MXD4: variants seen among roughly 807,000 people sequenced by gnomAD.
The protein encoded by MXD4 is MAX dimerization protein 4, also known as Mad4 homolog.
MXD4 carries 16 observed loss-of-function variants against 24.5 expected under a neutral mutation model. The observed-to-expected ratio is 0.65, with a 90% confidence interval of 0.44 to 0.99. The LOEUF is 0.99. Among genes scored for constraint, MXD4 ranks in the 50% least tolerant of loss-of-function variants. The pLI is 0.00. For missense variants in MXD4, 301 were observed against 301.5 expected, an observed-to-expected ratio of 1.00 and a Z score of 0.01; for synonymous variants, 164 against 134.2, an observed-to-expected ratio of 1.22 and a Z score of -1.54.
intron 3 of MXD4, chr4:2,255,128 G>A: frequency 2.7e-6 from 1 of 373,596 alleles, no homozygotes; most frequent in Non-Finnish European, 5.4e-6. Context: ...GGAGGAGTGT[G>A]CCCTGACGCA....
intron 3 of MXD4, chr4:2,253,333 G>A (rs530411871): frequency 6.6e-6 from 1 of 152,316 alleles, no homozygotes; most frequent in East Asian, 1.9e-4. Flanking sequence ...CTCACCCAGA[G>A]GCATCAACTC....
At chr4:2,255,036 C>T (rs1735397907) in intron 3 of MXD4, 1 of 350,756 alleles carries the variant, frequency 2.9e-6, no homozygotes, top group Admixed American at 3.9e-5. Context: ...GTCCGGAAGT[C>T]CCTGTGTAAA....
At chr4:2,260,047 T>G (rs1304830612) in intron 2 of MXD4, among the ~76,000 whole-genome samples, 1 of 152,230 alleles carries the variant, frequency 6.6e-6, no homozygotes, top group East Asian at 1.9e-4. Context: ...GCCCAGCTAC[T>G]TGTCTGGGCT....
chr4:2,257,940 G>C (rs773650975), intron 3 of MXD4, 42 bp downstream of exon 3: 1 of 1,612,954 alleles, frequency 6.2e-7, no homozygotes, highest in Non-Finnish European at 8.5e-7. Flanking sequence ...AAAAGGGTGG[G>C]CCAGGTGTCG....
intron 3 of MXD4, chr4:2,253,212 G>A (rs1735359085): frequency 6.6e-6 from 1 of 152,368 alleles, no homozygotes; most frequent in African/African-American, 2.4e-5. Flanking sequence ...CACCTCAGGA[G>A]AGGGGCCCTG....
intron 3 of MXD4, chr4:2,254,288 C>T (rs1735379957): frequency 6.6e-6 from 1 of 152,180 alleles, no homozygotes; most frequent in African/African-American, 2.4e-5. Flanking sequence ...ATATGCACAT[C>T]ATGAATGTTA....
rs180800077 is a variant in MXD4, at chr4:2,249,128, C to T, written c.*1416G>A. The stretch of plus-strand genomic sequence containing the variant: ...CACCCACAGGGGCCTGGCTGCATCG[C>T]CTCCAGGAAGCCCTGGCTGCCGGGA... On this transcript the variant is annotated 3_prime_UTR_variant, in exon 6 of 6. Coordinates refer to ENST00000337190, the MANE Select transcript of MXD4 (RefSeq NM_006454.3). 2.1e-3 allele frequency: 319 copies of T among 152,660 alleles called. 1 individual carries two copies. Among genetic ancestry groups the T allele is most frequent in the Middle Eastern group, 0.01 (3 of 294 alleles). 9.5% of individuals were successfully genotyped at this position (152,660 alleles called of 1,614,324 possible). A position where few individuals can be genotyped will look rare whatever the true frequency, so the allele number is the denominator to read the frequency against.
chr4:2,252,811 GCCATCCC>G (rs1185551550), intron 3 of MXD4: 10 of 354,006 alleles, frequency 2.8e-5, no homozygotes, highest in East Asian at 1.3e-4. Flanking sequence ...TCGCCCCCCT[GCCATCCC>G]CCATCCCCCA....
chr4:2,250,393 G>T lies in MXD4; in HGVS notation c.*151C>A. The T allele has an allele frequency of 9.3e-7, 1 of 1,071,972 alleles. No individual in the cohort carries two copies. Among genetic ancestry groups the T allele is most frequent in the Non-Finnish European group, 1.3e-6 (1 of 771,348 alleles). 66.4% of individuals were successfully genotyped at this position (1,071,972 alleles called of 1,614,324 possible). A position where few individuals can be genotyped will look rare whatever the true frequency, so the allele number is the denominator to read the frequency against. ...CAGCTCGGCAGGCCCTGACCGGCAA[G>T]CGGGCAGTGCCAGGCAGCCCAGCAG... is the stretch of plus-strand genomic sequence containing the variant. On this transcript the variant is annotated 3_prime_UTR_variant, in exon 6 of 6. Coordinates refer to ENST00000337190, the MANE Select transcript of MXD4 (RefSeq NM_006454.3).
rs1253759696 is a variant in MXD4, at chr4:2,247,518, C to T, written c.*3026G>A. 1 of 152,384 alleles carries T rather than the reference C, an allele frequency of 6.6e-6. No homozygotes were observed. Among genetic ancestry groups the T allele is most frequent in the Admixed American group, 6.5e-5 (1 of 15,296 alleles). 9.4% of individuals were successfully genotyped at this position (152,384 alleles called of 1,614,324 possible). A position where few individuals can be genotyped will look rare whatever the true frequency, so the allele number is the denominator to read the frequency against. On this transcript the variant is annotated 3_prime_UTR_variant, in exon 6 of 6. Transcript: ENST00000337190. ...TGGACAGGTGGCCGGGGGCCCCTTT[C>T]CCCCTCTAGCGCACGCCCCCCTCAC...
In MXD4 at chr4:2,252,405, C is replaced by T. The variant is rs1735341400; in HGVS notation, c.309+3G>A. 6.2e-7 allele frequency: 1 copy of T among 1,609,698 alleles called. No homozygotes were observed. Among genetic ancestry groups the T allele is most frequent in the Non-Finnish European group, 8.5e-7 (1 of 1,177,554 alleles). ...GGCAGGGTGGAGAGCAAGGCCCACT[C>T]ACCTTGATGTGCACCTTGGCCCGCT... On this transcript the variant is annotated splice_donor_region_variant and intron_variant, in intron 4 of 5. Coordinates refer to ENST00000337190, the MANE Select transcript of MXD4 (RefSeq NM_006454.3).
At chr4:2,252,267 A>G in intron 4 of MXD4, 141 bp downstream of exon 4, 4 of 679,128 alleles carry the variant, frequency 5.9e-6, no homozygotes, top group Admixed American at 2.4e-5. Flanking sequence ...CCCCCGACAC[A>G]CACCCGCCAG....
intron 3 of MXD4, among the ~76,000 whole-genome samples, chr4:2,257,490 G>A (rs1055219521): frequency 1.3e-5 from 2 of 152,224 alleles, no homozygotes; most frequent in African/African-American, 4.8e-5. Context: ...TCACCAGGAG[G>A]AATGAACACC....
intron 4 of MXD4, 124 bp downstream of exon 4, chr4:2,252,284 C>T (rs1735338759): frequency 3.9e-6 from 3 of 763,184 alleles, no homozygotes; most frequent in African/African-American, 1.7e-5. Context: ...CCAGATGGCT[C>T]CCCACCCATC....
Position 2,250,423 on chromosome 4 carries a change from T to G in MXD4, c.*121A>C, listed in dbSNP as rs1735293004. On this transcript the variant is annotated 3_prime_UTR_variant, in exon 6 of 6. Coordinates refer to ENST00000337190, the MANE Select transcript of MXD4 (RefSeq NM_006454.3). The stretch of plus-strand genomic sequence containing the variant: ...CAGTGCCAGGCAGCCCAGCAGCAGC[T>G]GGAGCTTCCAGAATGGCACAGCAGT... The G allele has an allele frequency of 1.6e-6, 2 of 1,279,126 alleles. No individual in the cohort carries two copies. The highest frequency in any genetic ancestry group is 2.1e-6 in the Non-Finnish European group (2 of 957,906). The allele number at this position is 1,279,126 out of a possible 1,614,324, so 79.2% of individuals were successfully genotyped here.
intron 2 of MXD4, among the ~76,000 whole-genome samples, chr4:2,260,092 C>T (rs888110744): frequency 2.0e-5 from 3 of 152,230 alleles, no homozygotes; most frequent in African/African-American, 7.2e-5. Flanking sequence ...GCTGCCCACC[C>T]GAGGAAGGGG....
In MXD4 at chr4:2,261,755, G is replaced by A; in HGVS notation, c.134C>T (p.Ala45Val). 3 of 1,428,860 alleles carry A rather than the reference G, an allele frequency of 2.1e-6. No homozygotes were observed. Among genetic ancestry groups the A allele is most frequent in the Non-Finnish European group, 1.8e-6 (2 of 1,084,438 alleles). 88.5% of individuals were successfully genotyped at this position (1,428,860 alleles called of 1,614,324 possible). ...GTTCGGGGCCTTGCGCACCAGGCCG[G>A]CCGCCTTTGTTTTCTCCCTGGCGAA... ...GDFAREKTKA[A>V]GLVRKAPNNR... The change falls in exon 2 of 6, where the codon GCC (alanine) becomes GTC (valine). Residue 45 changes from alanine (A) to valine (V), a missense_variant. Coordinates refer to ENST00000337190, the MANE Select transcript of MXD4 (RefSeq NM_006454.3).
chr4:2,251,261 G>A lies in MXD4; in HGVS notation c.310-15C>T, dbSNP rs1183000065. On this transcript the variant is annotated splice_polypyrimidine_tract_variant and intron_variant, in intron 4 of 5. Coordinates refer to ENST00000337190, the MANE Select transcript of MXD4 (RefSeq NM_006454.3). ...TCCTCCAGTTTCTGGGGTCGAGGGG[G>A]GCTGTGAGCTCACAGCGGGAAGAGG... is the stretch of plus-strand genomic sequence containing the variant. The A allele has an allele frequency of 1.3e-6, 2 of 1,575,146 alleles. No individual in the cohort carries two copies. The highest frequency in any genetic ancestry group is 3.5e-4 in the Middle Eastern group (2 of 5,780).
At chr4:2,260,144 G>A (rs777232445) in intron 2 of MXD4, among the ~76,000 whole-genome samples, 5 of 152,232 alleles carry the variant, frequency 3.3e-5, no homozygotes, top group Non-Finnish European at 5.9e-5. Context: ...CCGGGGGAGC[G>A]GGGCTCGGCC....
Sources: allele counts gnomAD v4.1 joint callset (sites outside exome capture counted in the v4.1 genomes callset), GRCh38; gene constraint gnomAD v4.1.1; transcripts MANE v1.5; gene names NCBI Gene and HGNC (gene_info 2026-07-23, HGNC 2026-07-21).